Variants in EDIL3 observed in about 807,000 individuals in gnomAD.
EDIL3 encodes EGF like and discoidin domains 3.
EDIL3 carries 37 observed loss-of-function variants against 67.4 expected under a neutral mutation model. The ratio of observed to expected loss-of-function variants is 0.55; its 90% CI spans 0.42 to 0.72. The LOEUF (loss-of-function observed/expected upper bound fraction) is 0.72, where lower values mean the gene tolerates loss of function less well. Among genes scored for constraint, EDIL3 ranks in the 30% least tolerant of loss-of-function variants. The probability of loss-of-function intolerance (pLI) is 0.00; values close to 1 mark genes in which losing one functional copy is unlikely to be tolerated. For missense variants in EDIL3, 527 were observed against 586.3 expected (o/e 0.90, Z 1.04); for synonymous variants, 195 against 196.3 (o/e 0.99, Z 0.05).
chr5:84,120,404 G>A (rs891778480), intron 5 of EDIL3, among the ~76,000 whole-genome samples: 1 of 151,994 alleles, frequency 6.6e-6, no homozygotes, highest in Admixed American at 6.6e-5. Flanking sequence ...GGTTGAAGAT[G>A]AGATGGATGG....
chr5:84,048,270 C>A (rs1472701215), intron 9 of EDIL3: 1 of 442,290 alleles, frequency 2.3e-6, no homozygotes, highest in Non-Finnish European at 4.5e-6. Flanking sequence ...TCCTTTAGTT[C>A]TCCTGTAAAT....
chr5:84,019,929 C>G (rs1004602233), intron 9 of EDIL3, among the ~76,000 whole-genome samples: 1 of 152,008 alleles, frequency 6.6e-6, no homozygotes, highest in South Asian at 2.1e-4. Flanking sequence ...GACTGTCGCC[C>G]CACAGTGCAA....
chr5:84,041,178 C>T lies in EDIL3; in HGVS notation c.1137+19122G>A, dbSNP rs555674915. On this transcript the variant is annotated intron_variant, in intron 9 of 10. Coordinates refer to ENST00000296591, the MANE Select transcript of EDIL3 (RefSeq NM_005711.5). ...AACAAACCAAGAGGTTGCCTTTAAA[C>T]GAACATGTTTCAAATAATAAATATC... 8.7e-4 allele frequency among the ~76,000 whole-genome samples: 131 copies of T among 151,350 alleles called. No individual in the cohort carries two copies. The Middle Eastern group carries it at 0.01, about 12-fold the overall frequency.
intron 1 of EDIL3, among the ~76,000 whole-genome samples, chr5:84,261,582 A>T (rs1745223217): frequency 6.6e-6 from 1 of 152,206 alleles, no homozygotes; most frequent in African/African-American, 2.4e-5. Context: ...GCAATTTGGA[A>T]GTATACAGAA....
intron 5 of EDIL3, among the ~76,000 whole-genome samples, chr5:84,128,972 C>G (rs918119681): frequency 1.1e-4 from 16 of 152,210 alleles, no homozygotes; most frequent in Admixed American, 6.6e-4. Flanking sequence ...AATGAGAATA[C>G]GACTCCATTT....
At chr5:84,324,821 T>C (rs1277990752) in intron 1 of EDIL3, among the ~76,000 whole-genome samples, 1 of 151,748 alleles carries the variant, frequency 6.6e-6, no homozygotes, top group African/African-American at 2.4e-5. Flanking sequence ...AATGGATGAA[T>C]TTTTGAAACA....
At chr5:84,175,144 G>T (rs545099477) in intron 4 of EDIL3, among the ~76,000 whole-genome samples, 1 of 152,126 alleles carries the variant, frequency 6.6e-6, no homozygotes, top group South Asian at 2.1e-4. Flanking sequence ...CTCATTGCCT[G>T]GTTCTGGGTC....
chr5:84,218,661 G>A (rs930467858), intron 3 of EDIL3, among the ~76,000 whole-genome samples: 1 of 152,294 alleles, frequency 6.6e-6, no homozygotes, highest in Non-Finnish European at 1.5e-5. Flanking sequence ...GACCTGTACT[G>A]GACCAGAGGG....
intron 5 of EDIL3, among the ~76,000 whole-genome samples, chr5:84,132,671 A>AT (rs1748014254): frequency 7.0e-6 from 1 of 142,656 alleles, no homozygotes. Flanking sequence ...CTAATTTATA[A>AT]TTATGGCTAA....
chr5:84,170,855 T>C (rs1391445477), intron 4 of EDIL3, among the ~76,000 whole-genome samples: 2 of 151,978 alleles, frequency 1.3e-5, no homozygotes, highest in Non-Finnish European at 2.9e-5. Flanking sequence ...AGTGCAGGGG[T>C]GTGATCTCGG....
intron 9 of EDIL3, among the ~76,000 whole-genome samples, chr5:83,979,247 C>T (rs1028085311): frequency 1.3e-5 from 2 of 152,056 alleles, no homozygotes; most frequent in African/African-American, 4.8e-5. Context: ...CTTAAAAGTT[C>T]AACAATACTA....
chr5:84,363,833 A>T (rs1419041319), intron 1 of EDIL3, among the ~76,000 whole-genome samples: 1 of 152,178 alleles, frequency 6.6e-6, no homozygotes, highest in Non-Finnish European at 1.5e-5. Flanking sequence ...AGATAAAAAA[A>T]ATTGGAGAAA....
intron 5 of EDIL3, among the ~76,000 whole-genome samples, chr5:84,114,312 C>A (rs138298778): frequency 6.6e-6 from 1 of 151,830 alleles, no homozygotes; most frequent in Admixed American, 6.6e-5. Context: ...AAGGGTGATT[C>A]GGGAACAGGG....
At chr5:83,959,138 G>C (rs1436364567) in intron 10 of EDIL3, among the ~76,000 whole-genome samples, 1 of 150,116 alleles carries the variant, frequency 6.7e-6, no homozygotes, top group Non-Finnish European at 1.5e-5. Context: ...TTTGGCATGT[G>C]TGTGTACACA....
chr5:84,295,168 T>C (rs1190634662), intron 1 of EDIL3, among the ~76,000 whole-genome samples: 1 of 149,292 alleles, frequency 6.7e-6, no homozygotes, highest in Non-Finnish European at 1.5e-5. Flanking sequence ...TATATCATAA[T>C]ATAGAGGAAA....
At chr5:84,070,379 G>T (rs1421195987) in intron 6 of EDIL3, among the ~76,000 whole-genome samples, 1 of 152,142 alleles carries the variant, frequency 6.6e-6, no homozygotes, top group Non-Finnish European at 1.5e-5. Context: ...ACCCCTAGAA[G>T]CTGCTGTGGG....
chr5:83,988,180 C>A (rs1745088881), intron 9 of EDIL3, among the ~76,000 whole-genome samples: 1 of 151,962 alleles, frequency 6.6e-6, no homozygotes, highest in Non-Finnish European at 1.5e-5. Flanking sequence ...ATTAAGGCAG[C>A]CAAAATCAAC....
chr5:83,963,289 C>T lies in EDIL3; in HGVS notation c.1209G>A (p.Gln403=). ...TQGAKDFGHV[Q]FVGSYKLAYS... is the part of the protein sequence containing the mutation. ...AAGCCAGTTTGTAGGAGCCAACAAA[C>T]TGTACATGACCAAAATCTTTAGCTC... The change falls in exon 10 of 11, where the codon CAG becomes CAA. Residue 403 remains glutamine (Q), a synonymous_variant. Transcript: ENST00000296591. 1 of 1,610,366 alleles carries T rather than the reference C, an allele frequency of 6.2e-7. No homozygotes were observed. Among genetic ancestry groups the T allele is most frequent in the Non-Finnish European group, 8.5e-7 (1 of 1,177,684 alleles).
At position 83,963,380 on chromosome 5, in the gene EDIL3, C is replaced by A; in HGVS notation, c.1138-20G>T. The A allele has an allele frequency of 6.3e-7, 1 of 1,582,740 alleles. No homozygotes were observed. The highest frequency in any genetic ancestry group is 8.6e-7 in the Non-Finnish European group (1 of 1,167,944). ...ATCCACCTTAAAAAAAAGAAAAATACAGGCTTTAAATGCGACAACCAAGTT... is the reference window on the plus strand; with the variant it reads ...ATCCACCTTAAAAAAAAGAAAAATAAAGGCTTTAAATGCGACAACCAAGTT... On this transcript the variant is annotated intron_variant, in intron 9 of 10. Transcript: ENST00000296591.
Sources: gnomAD v4.1 joint callset for allele counts (sites outside exome capture counted in the v4.1 genomes callset) on GRCh38, gnomAD v4.1.1 for gene constraint, MANE v1.5 for transcripts, NCBI Gene and HGNC (gene_info 2026-07-23, HGNC 2026-07-21) for gene names.